Variants in FSTL5 observed in about 807,000 individuals in gnomAD.
FSTL5 encodes follistatin-related protein 5.
FSTL5 carries 62 observed loss-of-function variants against 89.1 expected under a neutral mutation model. That is an observed-to-expected ratio of 0.70 (90% confidence interval 0.57 to 0.86). The LOEUF (loss-of-function observed/expected upper bound fraction) is 0.86. Ranked by LOEUF, FSTL5 falls within the 40% of genes least tolerant of loss-of-function variation. The probability of loss-of-function intolerance (pLI) is 0.00; values close to 1 mark genes in which losing one functional copy is unlikely to be tolerated. For missense variants in FSTL5, 1,057 were observed against 1,001.6 expected (o/e 1.06, Z -0.75); for synonymous variants, 383 against 346.2 (o/e 1.11, Z -1.18).
intron 10 of FSTL5, among the ~76,000 whole-genome samples, chr4:161,518,539 C>T (rs2126512134): frequency 6.6e-6 from 1 of 152,244 alleles, no homozygotes; most frequent in South Asian, 2.1e-4. Flanking sequence ...GCATCTCTGG[C>T]TGCTTCACAC....
At chr4:161,698,655 G>A (rs925477661) in intron 6 of FSTL5, among the ~76,000 whole-genome samples, 41 of 152,268 alleles carry the variant, frequency 2.7e-4, no homozygotes, top group African/African-American at 9.1e-4. Flanking sequence ...AAGGCCAGGC[G>A]CAGTGGCTCA....
chr4:162,139,606 T>TCAATCACAAGGAATTG (rs1732649037), intron 1 of FSTL5, among the ~76,000 whole-genome samples: 1 of 152,102 alleles, frequency 6.6e-6, no homozygotes, highest in African/African-American at 2.4e-5. Context: ...TGACAAATTG[T>TCAATCACAAGGAATTG]GCAAGGAATG....
At chr4:161,559,181 T>C (rs940486258) in intron 8 of FSTL5, among the ~76,000 whole-genome samples, 1 of 151,950 alleles carries the variant, frequency 6.6e-6, no homozygotes, top group Non-Finnish European at 1.5e-5. Flanking sequence ...AAGATTTATA[T>C]ATGGTGAATC....
chr4:161,574,919 A>G (rs1560960925), intron 8 of FSTL5, among the ~76,000 whole-genome samples: 1 of 152,206 alleles, frequency 6.6e-6, no homozygotes, highest in Non-Finnish European at 1.5e-5. Context: ...AGGAATTGCC[A>G]CACTGTCTTC....
chr4:161,808,631 A>T lies in FSTL5; in HGVS notation c.410-32557T>A, dbSNP rs945854262. The stretch of plus-strand genomic sequence containing the variant: ...ATATGACACCAAAAACAGACCAAAA[A>T]AAAAACCCAGATAAAATGAAACTCA... On this transcript the variant is annotated intron_variant, in intron 4 of 15. Coordinates refer to ENST00000306100, the MANE Select transcript of FSTL5 (RefSeq NM_020116.5). 8.7e-4 allele frequency among the ~76,000 whole-genome samples: 133 copies of T among 152,268 alleles called. 1 individual carries two copies. The highest frequency in any genetic ancestry group is 3.1e-3 in the African/African-American group (130 of 41,568).
intron 4 of FSTL5, among the ~76,000 whole-genome samples, chr4:161,814,790 C>T (rs933452835): frequency 6.6e-6 from 1 of 152,020 alleles, no homozygotes; most frequent in Non-Finnish European, 1.5e-5. Flanking sequence ...ATACTCTATA[C>T]TTTATCCACT....
chr4:161,488,362 A>G (rs1729750129), intron 12 of FSTL5, among the ~76,000 whole-genome samples: 1 of 152,078 alleles, frequency 6.6e-6, no homozygotes, highest in African/African-American at 2.4e-5. Context: ...TTGCTTTAGG[A>G]TATCAAAGGT....
At chr4:161,752,274 TG>T (rs1365343076) in intron 6 of FSTL5, among the ~76,000 whole-genome samples, 7 of 150,824 alleles carry the variant, frequency 4.6e-5, no homozygotes, top group Non-Finnish European at 8.9e-5. Flanking sequence ...GATAGATAGA[TG>T]GAATGTTTCC....
chr4:161,646,157 GTATATATAATA>G lies in FSTL5; in HGVS notation c.894+10160_894+10170del, dbSNP rs898780360. 1.1e-3 allele frequency among the ~76,000 whole-genome samples: 162 copies of G among 147,620 alleles called. 1 individual carries two copies. Among genetic ancestry groups the G allele is most frequent in the African/African-American group, 3.7e-3 (152 of 40,704 alleles). On this transcript the variant is annotated intron_variant, in intron 7 of 15. Transcript: ENST00000306100. ...GGCAAAAACCCTTTCTCATATATTT[GTATATATAATA>G]TATATATAATATATCATATATAATG...
chr4:161,801,306 A>G (rs979986629), intron 4 of FSTL5, among the ~76,000 whole-genome samples: 2 of 151,534 alleles, frequency 1.3e-5, no homozygotes, highest in Non-Finnish European at 3.0e-5. Context: ...ATCTAGCATA[A>G]TTGGCAAACA....
At chr4:161,883,432 ACT>A (rs1732699253) in intron 4 of FSTL5, among the ~76,000 whole-genome samples, 2 of 152,136 alleles carry the variant, frequency 1.3e-5, no homozygotes, top group Admixed American at 1.3e-4. Flanking sequence ...TGTCACATTA[ACT>A]CTGTCATTAC....
chr4:161,651,473 T>A (rs1736341907), intron 7 of FSTL5, among the ~76,000 whole-genome samples: 3 of 152,126 alleles, frequency 2.0e-5, no homozygotes, highest in African/African-American at 7.2e-5. Context: ...ACTATTTTTT[T>A]AGGTAGGTTC....
intron 15 of FSTL5, among the ~76,000 whole-genome samples, chr4:161,404,256 A>G (rs538499666): frequency 6.6e-6 from 1 of 152,332 alleles, no homozygotes; most frequent in South Asian, 2.1e-4. Context: ...GCGTGGGTCA[A>G]TTGATTACAA....
intron 6 of FSTL5, among the ~76,000 whole-genome samples, chr4:161,665,931 A>G (rs187616076): frequency 1.1e-3 from 174 of 152,268 alleles, no homozygotes; most frequent in Non-Finnish European, 1.0e-4. Flanking sequence ...AAAGTTTAAC[A>G]GTAAACTTTG....
intron 3 of FSTL5, among the ~76,000 whole-genome samples, chr4:161,983,104 G>A (rs1178798409): frequency 6.6e-6 from 1 of 152,130 alleles, no homozygotes; most frequent in East Asian, 1.9e-4. Context: ...GACAAACCAG[G>A]AGAAAAAACA....
chr4:161,496,644 C>T (rs908576593), intron 12 of FSTL5, among the ~76,000 whole-genome samples: 7 of 152,104 alleles, frequency 4.6e-5, no homozygotes, highest in Non-Finnish European at 5.9e-5. Flanking sequence ...AGATTTTGGA[C>T]TTAGGACTGC....
intron 4 of FSTL5, among the ~76,000 whole-genome samples, chr4:161,777,834 C>T (rs889411518): frequency 1.4e-4 from 22 of 152,116 alleles, no homozygotes; most frequent in African/African-American, 5.1e-4. Context: ...TGGCTCATGT[C>T]TGTAATCCCA....
chr4:161,663,733 A>G (rs1476383816), intron 6 of FSTL5, among the ~76,000 whole-genome samples: 1 of 152,198 alleles, frequency 6.6e-6, no homozygotes, highest in Non-Finnish European at 1.5e-5. Flanking sequence ...GCAGTGGCCC[A>G]GTAGAGACTC....
Position 161,948,083 on chromosome 4 carries a change from CCTGGA to C in FSTL5, c.161-27436_161-27432del, listed in dbSNP as rs746559115. Among the ~76,000 whole-genome samples the C allele has an allele frequency of 2.6e-3, 391 of 151,738 alleles. 1 individual carries two copies. The highest frequency in any genetic ancestry group is 4.7e-3 in the Non-Finnish European group (319 of 67,928). ...CTTGAGTCCAGGAGTTCAAGGCCAG[CCTGGA>C]CAACATAGCAAGACCCTGTCTCTAC... On this transcript the variant is annotated intron_variant, in intron 3 of 15. Coordinates refer to ENST00000306100, the MANE Select transcript of FSTL5 (RefSeq NM_020116.5).
Sources: allele counts gnomAD v4.1 joint callset (sites outside exome capture counted in the v4.1 genomes callset), GRCh38; gene constraint gnomAD v4.1.1; transcripts MANE v1.5; gene names NCBI Gene and HGNC (gene_info 2026-07-23, HGNC 2026-07-21).